KAT6B: variants seen among roughly 807,000 people sequenced by gnomAD.
The protein encoded by KAT6B is histone acetyltransferase KAT6B.
Under a neutral mutation model 187.5 loss-of-function variants are expected in KAT6B, and 10 were observed. The ratio of observed to expected loss-of-function variants is 0.05; its 90% CI spans 0.03 to 0.09. KAT6B has a LOEUF of 0.09. KAT6B is among the 10% of genes least tolerant of loss of function. The pLI, the probability that KAT6B is intolerant of heterozygous loss-of-function variation, is 1.00. For missense variants in KAT6B, 1,952 were observed against 2,558.9 expected (o/e 0.76, Z 5.12); for synonymous variants, 861 against 926.8 (o/e 0.93, Z 1.29).
intron 13 of KAT6B, among the ~76,000 whole-genome samples, chr10:75,002,535 G>A (rs568030816): frequency 2.0e-5 from 3 of 152,194 alleles, no homozygotes; most frequent in Admixed American, 6.5e-5. Context: ...ACATCATAGT[G>A]TATGTACTTA....
chr10:75,031,219 G>A lies in KAT6B; in HGVS notation c.*173G>A, dbSNP rs1363143833. The A allele has an allele frequency of 2.7e-6, 2 of 738,856 alleles. No individual in the cohort carries two copies. Among genetic ancestry groups the A allele is most frequent in the Non-Finnish European group, 4.4e-6 (2 of 458,122 alleles). 45.8% of individuals were successfully genotyped at this position (738,856 alleles called of 1,614,324 possible). ...GTATGCAGCAGAAAGCCTTATACAAGTTGTTTTTCTTTTTTTCCTTTTTCT... is the reference window on the plus strand; with the variant it reads ...GTATGCAGCAGAAAGCCTTATACAAATTGTTTTTCTTTTTTTCCTTTTTCT... On this transcript the variant is annotated 3_prime_UTR_variant, in exon 18 of 18. Coordinates refer to ENST00000287239, the MANE Select transcript of KAT6B (RefSeq NM_012330.4).
At chr10:74,967,804 G>A (rs1274403028) in intron 4 of KAT6B, among the ~76,000 whole-genome samples, 4 of 152,238 alleles carry the variant, frequency 2.6e-5, no homozygotes, top group African/African-American at 9.6e-5. Flanking sequence ...TAAAAAGTCT[G>A]TCTTTCATAA....
rs1840690367 is a variant in KAT6B at position 74,956,317 on chromosome 10, G to A, written c.622-3653G>A. ...GTCCTTTAGGATAGGCACTTGGAAG[G>A]CACATGATGTCACTTTGTCCCATAC... is the stretch of plus-strand genomic sequence containing the variant. On this transcript the variant is annotated intron_variant, in intron 3 of 17. Coordinates refer to ENST00000287239, the MANE Select transcript of KAT6B (RefSeq NM_012330.4). Among the ~76,000 whole-genome samples the A allele has an allele frequency of 2.6e-5, 4 of 152,178 alleles. No individual in the cohort carries two copies. The South Asian group carries it at 6.2e-4, about 24-fold the overall frequency.
chr10:74,924,709 A>G (rs934520590), intron 3 of KAT6B, among the ~76,000 whole-genome samples: 1 of 152,218 alleles, frequency 6.6e-6, no homozygotes, highest in African/African-American at 2.4e-5. Flanking sequence ...GTAAAATTAG[A>G]AATTCTGTTA....
chr10:74,939,065 A>G (rs1343714793), intron 3 of KAT6B, among the ~76,000 whole-genome samples: 1 of 151,570 alleles, frequency 6.6e-6, no homozygotes, highest in African/African-American at 2.4e-5. Flanking sequence ...ACACACACAC[A>G]CACACACACA....
At chr10:75,000,983 C>T (rs1720472466) in intron 13 of KAT6B, among the ~76,000 whole-genome samples, 1 of 152,094 alleles carries the variant, frequency 6.6e-6, no homozygotes. Flanking sequence ...ATGAATTTGG[C>T]TCTTGTCTTC....
Position 74,897,428 on chromosome 10 carries a change from G to A in KAT6B, c.621+53950G>A, listed in dbSNP as rs116712786. On this transcript the variant is annotated intron_variant, in intron 3 of 17. Transcript: ENST00000287239. Reference sequence around the variant, plus strand: ...GAATGCACACTGCTGGACCTAGAGCGGTGGCAAAAGTGCCCTCTCCACTGT... The same window carrying A: ...GAATGCACACTGCTGGACCTAGAGCAGTGGCAAAAGTGCCCTCTCCACTGT... Among the ~76,000 whole-genome samples, 10 of 152,316 alleles carry A rather than the reference G, an allele frequency of 6.6e-5. No individual in the cohort carries two copies. The East Asian group carries it at 9.6e-4, about 15-fold the overall frequency.
At chr10:74,843,529 T>G (rs773386425) in intron 3 of KAT6B, 51 bp downstream of exon 3, 1 of 1,606,978 alleles carries the variant, frequency 6.2e-7, no homozygotes, top group Non-Finnish European at 8.5e-7. Context: ...CTTTTGTCTT[T>G]TACGGTTTCA....
rs1589756900 is a variant in KAT6B, at chr10:74,985,725, A to C, written c.2535+484A>C. 2.6e-5 allele frequency among the ~76,000 whole-genome samples: 4 copies of C among 152,254 alleles called. No individual in the cohort carries two copies. In the South Asian group the frequency reaches 8.3e-4, roughly 32 times the overall value. On this transcript the variant is annotated intron_variant, in intron 12 of 17. Transcript: ENST00000287239. ...CTCTTATTCTCTGTGCTATGGTTTTAAGTTCTAAAGCAATCTCACCTTTAG... is the reference window on the plus strand; with the variant it reads ...CTCTTATTCTCTGTGCTATGGTTTTCAGTTCTAAAGCAATCTCACCTTTAG...
intron 3 of KAT6B, among the ~76,000 whole-genome samples, chr10:74,930,458 G>A (rs1848794066): frequency 6.6e-6 from 1 of 152,158 alleles, no homozygotes; most frequent in Non-Finnish European, 1.5e-5. Flanking sequence ...CATAGACTTA[G>A]CTGAAATGAA....
intron 13 of KAT6B, among the ~76,000 whole-genome samples, chr10:74,989,448 G>T (rs1221958046): frequency 6.6e-6 from 1 of 152,168 alleles, no homozygotes; most frequent in East Asian, 1.9e-4. Flanking sequence ...TAAAGCTAAA[G>T]GAAGTATTAT....
At chr10:74,928,130 C>G (rs1848630188) in intron 3 of KAT6B, among the ~76,000 whole-genome samples, 1 of 152,144 alleles carries the variant, frequency 6.6e-6, no homozygotes, top group Non-Finnish European at 1.5e-5. Context: ...TTTTACTCTG[C>G]TCAAAATTCT....
At chr10:74,969,627 T>G (rs976370852) in intron 4 of KAT6B, 33 bp from the exon 5 acceptor site, 4 of 1,288,236 alleles carry the variant, frequency 3.1e-6, no homozygotes, top group Middle Eastern at 1.8e-4. Context: ...AAGGCACCAT[T>G]CCCATCAAGC....
At chr10:75,017,141 G>A (rs1181195492) in intron 13 of KAT6B, among the ~76,000 whole-genome samples, 1 of 152,012 alleles carries the variant, frequency 6.6e-6, no homozygotes, top group Non-Finnish European at 1.5e-5. Context: ...GGGATTACAG[G>A]CATGAGCCAC....
chr10:74,863,145 C>CT (rs1843307167), intron 3 of KAT6B, among the ~76,000 whole-genome samples: 1 of 152,198 alleles, frequency 6.6e-6, no homozygotes, highest in South Asian at 2.1e-4. Flanking sequence ...GCAAATTTGA[C>CT]TATAAAGATA....
At chr10:74,938,260 A>G (rs528325242) in intron 3 of KAT6B, among the ~76,000 whole-genome samples, 267 of 152,306 alleles carry the variant, frequency 1.8e-3, no homozygotes, top group Non-Finnish European at 3.2e-3. Context: ...ACTGTATCAG[A>G]ATCTGCATTT....
intron 13 of KAT6B, among the ~76,000 whole-genome samples, chr10:75,011,703 G>A (rs956783095): frequency 6.6e-6 from 1 of 152,154 alleles, no homozygotes; most frequent in African/African-American, 2.4e-5. Flanking sequence ...ATCATAGTCA[G>A]TCACCTTATT....
At chr10:74,927,318 T>C (rs138330240) in intron 3 of KAT6B, among the ~76,000 whole-genome samples, 280 of 152,256 alleles carry the variant, frequency 1.8e-3, no homozygotes, top group Non-Finnish European at 3.2e-3. Flanking sequence ...TCCCTGCAGA[T>C]TGGGGCCTCA....
chr10:74,892,701 A>G (rs1455153008), intron 3 of KAT6B, among the ~76,000 whole-genome samples: 1 of 152,132 alleles, frequency 6.6e-6, no homozygotes, highest in East Asian at 1.9e-4. Flanking sequence ...AGAATAACTC[A>G]GAGATTACGG....
Sources: gnomAD v4.1 joint callset for allele counts (sites outside exome capture counted in the v4.1 genomes callset) on GRCh38, gnomAD v4.1.1 for gene constraint, MANE v1.5 for transcripts, NCBI Gene and HGNC (gene_info 2026-07-23, HGNC 2026-07-21) for gene names.